GRAMD4: variants seen among roughly 807,000 people sequenced by gnomAD.
The protein encoded by GRAMD4 is GRAM domain containing 4.
A neutral mutation model predicts 83.9 loss-of-function variants in GRAMD4; 25 were observed. That is an observed-to-expected ratio of 0.30 (90% CI 0.22 to 0.42). GRAMD4 has a LOEUF of 0.42. Ranked by LOEUF, GRAMD4 falls within the 10% of genes least tolerant of loss-of-function variation. The pLI, the probability that GRAMD4 is intolerant of heterozygous loss-of-function variation, is 1.00. For missense variants in GRAMD4, 593 were observed against 788.7 expected, an observed-to-expected ratio of 0.75 and a Z score of 2.97; for synonymous variants, 336 against 320.9, an observed-to-expected ratio of 1.05 and a Z score of -0.50.
At chr22:46,588,729 T>TC (rs11379601) in intron 1 of GRAMD4, among the ~76,000 whole-genome samples, 73,853 of 152,028 alleles carry the variant, frequency 0.49, 19,975 homozygotes, top group African/African-American at 0.74. Context: ...GCCCTCTCCA[T>TC]CCCCGGGGTC....
At chr22:46,605,952 A>AT (rs2081362018) in intron 1 of GRAMD4, among the ~76,000 whole-genome samples, 1 of 81,104 alleles carries the variant, frequency 1.2e-5, no homozygotes, top group African/African-American at 4.1e-5. Context: ...GCATGGGCTT[A>AT]TGGCTGGTGC....
intron 3 of GRAMD4, among the ~76,000 whole-genome samples, chr22:46,652,024 G>A (rs1198238257): frequency 6.6e-6 from 1 of 152,174 alleles, no homozygotes; most frequent in Non-Finnish European, 1.5e-5. Context: ...TAGGCACTTG[G>A]TTCCTTTGCT....
intron 1 of GRAMD4, among the ~76,000 whole-genome samples, chr22:46,612,996 G>A (rs1314467643): frequency 1.3e-5 from 2 of 152,230 alleles, no homozygotes; most frequent in African/African-American, 2.4e-5. Context: ...TCGGGAGCTC[G>A]TAGTGACTAG....
chr22:46,605,914 T>G (rs58512162), intron 1 of GRAMD4, among the ~76,000 whole-genome samples: 51 of 89,304 alleles, frequency 5.7e-4, no homozygotes, highest in African/African-American at 1.2e-3. Flanking sequence ...ATCTCTGCAT[T>G]GGTTTATTCC....
chr22:46,594,650 G>C (rs2081243376), intron 1 of GRAMD4, among the ~76,000 whole-genome samples: 1 of 152,082 alleles, frequency 6.6e-6, no homozygotes, highest in African/African-American at 2.4e-5. Context: ...GTGGAGCTTG[G>C]TCTCAGGACA....
chr22:46,667,157 G>A (rs535511844), intron 10 of GRAMD4, among the ~76,000 whole-genome samples: 1 of 152,364 alleles, frequency 6.6e-6, no homozygotes, highest in East Asian at 1.9e-4. Flanking sequence ...GGTATGGCAG[G>A]GGTGGGGGAC....
chr22:46,675,843 C>G (rs2082589356), intron 17 of GRAMD4, among the ~76,000 whole-genome samples: 1 of 152,208 alleles, frequency 6.6e-6, no homozygotes, highest in Non-Finnish European at 1.5e-5. Flanking sequence ...CCCCTCGTAT[C>G]TGGGACCCTC....
chr22:46,609,943 G>A (rs1050950150), intron 1 of GRAMD4, among the ~76,000 whole-genome samples: 1 of 152,202 alleles, frequency 6.6e-6, no homozygotes, highest in Non-Finnish European at 1.5e-5. Context: ...GAGTCGGTTC[G>A]CCTTCCAGCA....
intron 1 of GRAMD4, among the ~76,000 whole-genome samples, chr22:46,594,954 G>A (rs1026058619): frequency 6.6e-5 from 10 of 152,100 alleles, no homozygotes; most frequent in Non-Finnish European, 1.5e-4. Flanking sequence ...TCGGGACTTG[G>A]GCTTTCTGAC....
In GRAMD4 at chr22:46,622,876, C is replaced by T. The variant is rs1322564810; in HGVS notation, c.-50+2311C>T. ...GCAGTGAGCCGAGATCACGCCACTG[C>T]ACTCCAGCCTGGGCGACAGAGCAAG... On this transcript the variant is annotated intron_variant, in intron 1 of 18. Coordinates refer to ENST00000406902, the MANE Select transcript of GRAMD4 (RefSeq NM_015124.5). This position sits in a 1 kb window ranked among gnomAD's most constrained non-coding sequence, Gnocchi z 4.0. Among the ~76,000 whole-genome samples, 1 of 147,726 alleles carries T rather than the reference C, an allele frequency of 6.8e-6. No homozygotes were observed. The highest frequency in any genetic ancestry group is 6.8e-5 in the Admixed American group (1 of 14,648).
At chr22:46,623,816 C>T (rs111465378) in intron 1 of GRAMD4, among the ~76,000 whole-genome samples, 1,523 of 147,530 alleles carry the variant, frequency 0.01, 24 homozygotes, top group African/African-American at 0.037. Flanking sequence ...GAGTCTTGCT[C>T]TGTTGCCCAG....
At chr22:46,661,540 C>A (rs2082327746) in intron 5 of GRAMD4, 98 bp downstream of exon 5, 5 of 848,528 alleles carry the variant, frequency 5.9e-6, no homozygotes, top group African/African-American at 1.7e-5. Context: ...GGAGCAGATA[C>A]CCCCTCCCCC....
At chr22:46,613,815 C>T (rs1223875156) in intron 1 of GRAMD4, among the ~76,000 whole-genome samples, 1 of 151,510 alleles carries the variant, frequency 6.6e-6, no homozygotes, top group Non-Finnish European at 1.5e-5. Context: ...CTTCCTGCTT[C>T]CCAGGCTGTC....
intron 1 of GRAMD4, among the ~76,000 whole-genome samples, chr22:46,602,452 C>T (rs2081320678): frequency 6.6e-6 from 1 of 152,052 alleles, no homozygotes. Context: ...CCATGTTGTC[C>T]AGGAGTTCGG....
intron 1 of GRAMD4, among the ~76,000 whole-genome samples, chr22:46,580,219 C>A (rs868032880): frequency 2.0e-5 from 3 of 152,332 alleles, no homozygotes; most frequent in Non-Finnish European, 4.4e-5. Context: ...AGGGTGCTCG[C>A]TGGGAAGCAG....
chr22:46,583,061 G>A (rs5768985), intron 1 of GRAMD4, among the ~76,000 whole-genome samples: 70,332 of 151,888 alleles, frequency 0.46, 17,157 homozygotes, highest in East Asian at 0.91. Context: ...AGTAGCTGGG[G>A]TGACAGACAT....
intron 3 of GRAMD4, among the ~76,000 whole-genome samples, chr22:46,649,194 G>A (rs1168169340): frequency 6.6e-6 from 1 of 152,192 alleles, no homozygotes; most frequent in African/African-American, 2.4e-5. Context: ...AACTGGAGTT[G>A]GGGAGTGTCC....
At chr22:46,652,284 C>A (rs556477191) in intron 3 of GRAMD4, among the ~76,000 whole-genome samples, 1 of 152,060 alleles carries the variant, frequency 6.6e-6, no homozygotes, top group African/African-American at 2.4e-5. Flanking sequence ...GTCACAGTGA[C>A]GTCATTGCTC....
intron 13 of GRAMD4, among the ~76,000 whole-genome samples, chr22:46,669,657 C>G (rs569060010): frequency 2.6e-5 from 4 of 151,552 alleles, no homozygotes; most frequent in Non-Finnish European, 5.9e-5. Flanking sequence ...CTCACTGCAA[C>G]CTCCGCCTCC....
Sources: gnomAD v4.1 joint callset for allele counts (sites outside exome capture counted in the v4.1 genomes callset) on GRCh38, gnomAD v4.1.1 for gene constraint, Gnocchi (gnomAD v3.1) non-coding constraint, MANE v1.5 for transcripts, NCBI Gene and HGNC (gene_info 2026-07-23, HGNC 2026-07-21) for gene names.